DST: variants seen among roughly 807,000 people sequenced by gnomAD.
DST encodes the protein dystonin.
Under a neutral mutation model 875.2 loss-of-function variants are expected in DST, and 253 were observed. That is an observed-to-expected ratio of 0.29 (90% CI 0.26 to 0.32). The LOEUF (loss-of-function observed/expected upper bound fraction) is 0.32. Ranked by LOEUF, DST falls within the 10% of genes least tolerant of loss-of-function variation. DST has a pLI of 1.00. For missense variants in DST, 8,287 were observed against 9,111.6 expected, an observed-to-expected ratio of 0.91 and a Z score of 3.68; for synonymous variants, 3,124 against 3,197.1, an observed-to-expected ratio of 0.98 and a Z score of 0.77.
chr6:56,459,184 C>T lies in DST; in HGVS notation c.23278G>A (p.Ala7760Thr). 6.2e-7 allele frequency: 1 copy of T among 1,613,964 alleles called. No homozygotes were observed. Among genetic ancestry groups the T allele is most frequent in the Non-Finnish European group, 8.5e-7 (1 of 1,179,878 alleles). ...SRASSRRGSD[A>T]SDFDISEIQS... Reference sequence around the variant, plus strand: ...ATTTCTGAAATGTCAAAGTCTGATGCATCACTGCCTCGGCGGCTGCTGGCC... The same window carrying T: ...ATTTCTGAAATGTCAAAGTCTGATGTATCACTGCCTCGGCGGCTGCTGGCC... The change falls in exon 104 of 104, where the codon GCA (alanine) becomes ACA (threonine). Residue 7760 changes from alanine (A) to threonine (T), a missense_variant. Coordinates refer to ENST00000680361, the MANE Select transcript of DST (RefSeq NM_001374736.1).
chr6:56,603,336 T>C lies in DST; in HGVS notation c.11026A>G (p.Ser3676Gly). 1.2e-6 allele frequency: 2 copies of C among 1,611,268 alleles called. No individual in the cohort carries two copies. The highest frequency in any genetic ancestry group is 1.7e-6 in the Non-Finnish European group (2 of 1,179,092). The part of the protein sequence containing the change: ...LAEEFLKSLP[S>G]DFPRGHVEEL... ...TCAACATGGCCTCTGGGAAAGTCAC[T>C]GGGAAGAGACTTTAAAAACTCTTCT... The change falls in exon 42 of 104, where the codon AGT becomes GGT. Residue 3676 changes from serine (S) to glycine (G), a missense_variant. By Grantham distance (56) the Ser-to-Gly change is moderately conservative. Coordinates refer to ENST00000680361, the MANE Select transcript of DST (RefSeq NM_001374736.1).
In DST at chr6:56,794,630, G is replaced by T. The variant is rs117718988; in HGVS notation, c.625+56767C>A. On this transcript the variant is annotated intron_variant, in intron 4 of 103. Coordinates refer to ENST00000680361, the MANE Select transcript of DST (RefSeq NM_001374736.1). ...GGTGGGGTGGGCCTTGACACAGAAA[G>T]GACAAGTCTAAGACAGAGATTCCTC... is the stretch of plus-strand genomic sequence containing the variant. Among the ~76,000 whole-genome samples the T allele has an allele frequency of 1.1e-4, 16 of 152,256 alleles. No homozygotes were observed. In the East Asian group the frequency reaches 3.1e-3, roughly 29 times the overall value.
intron 49 of DST, among the ~76,000 whole-genome samples, chr6:56,581,963 A>T (rs2098010280): frequency 6.6e-6 from 1 of 152,206 alleles, no homozygotes; most frequent in Non-Finnish European, 1.5e-5. Flanking sequence ...TCCACATGCA[A>T]ATCAACCATT....
At position 56,707,027 on chromosome 6, in the gene DST, T is replaced by C. The variant is rs145361847; in HGVS notation, c.688-2658A>G. ...CTCAAAAAACAAACAAACAAAACAATAGGTTTCATGCTCCTATGAGAATCT... is the reference window on the plus strand; with the variant it reads ...CTCAAAAAACAAACAAACAAAACAACAGGTTTCATGCTCCTATGAGAATCT... On this transcript the variant is annotated intron_variant, in intron 5 of 103. Coordinates refer to ENST00000680361, the MANE Select transcript of DST (RefSeq NM_001374736.1). 3.3e-5 allele frequency among the ~76,000 whole-genome samples: 5 copies of C among 151,922 alleles called. No individual in the cohort carries two copies. In the East Asian group the frequency reaches 7.7e-4, roughly 24 times the overall value.
At chr6:56,878,512 A>G (rs568271841) in intron 3 of DST, among the ~76,000 whole-genome samples, 1 of 152,322 alleles carries the variant, frequency 6.6e-6, no homozygotes, top group East Asian at 1.9e-4. Context: ...ATCCTATCCA[A>G]GAGGAATTTG....
rs966987338 is a variant in DST at position 56,515,678 on chromosome 6, A to G, written c.18358-10T>C. On this transcript the variant is annotated splice_polypyrimidine_tract_variant and intron_variant, in intron 71 of 103. Transcript: ENST00000680361. The stretch of plus-strand genomic sequence containing the variant: ...CCTTGTCCAGTTTTTTCTAGAAAAT[A>G]AAAGGATGAAATGTTTAACTGGTCA... 3 of 1,571,006 alleles carry G rather than the reference A, an allele frequency of 1.9e-6. No individual in the cohort carries two copies. The highest frequency in any genetic ancestry group is 2.6e-6 in the Non-Finnish European group (3 of 1,156,546).
chr6:56,517,428 T>C, intron 70 of DST, 73 bp downstream of exon 70: 4 of 1,597,286 alleles, frequency 2.5e-6, no homozygotes, highest in African/African-American at 1.3e-5. Context: ...AAGTAAATCA[T>C]ACAAGCACAT....
chr6:56,622,569 CAAAAAA>C, intron 36 of DST, among the ~76,000 whole-genome samples: 1 of 65,744 alleles, frequency 1.5e-5, no homozygotes, highest in African/African-American at 5.8e-5. Context: ...AGATCCGTCT[CAAAAAA>C]AAAAAAAAAA....
chr6:56,544,418 G>T lies in DST; in HGVS notation c.16609-7478C>A, dbSNP rs148460205. Among the ~76,000 whole-genome samples, 113 of 152,240 alleles carry T rather than the reference G, an allele frequency of 7.4e-4. No individual in the cohort carries two copies. In the East Asian group the frequency reaches 0.015, roughly 20 times the overall value. ...AATCATTAGCACAATATTATTCTAG[G>T]CTTATGAAAAGCTAAGAGGAGCAAC... On this transcript the variant is annotated intron_variant, in intron 61 of 103. Coordinates refer to ENST00000680361, the MANE Select transcript of DST (RefSeq NM_001374736.1).
At chr6:56,924,398 AATGG>A (rs5876524) in intron 2 of DST, among the ~76,000 whole-genome samples, 20,580 of 152,010 alleles carry the variant, frequency 0.14, 1,781 homozygotes, top group Middle Eastern at 0.23. Context: ...CCAGCTCACC[AATGG>A]ATGGAGACTG....
intron 5 of DST, among the ~76,000 whole-genome samples, chr6:56,729,013 C>G (rs913740514): frequency 3.3e-5 from 5 of 149,458 alleles, no homozygotes; most frequent in African/African-American, 1.3e-4. Context: ...CACACACACA[C>G]GACTGGGGAA....
intron 4 of DST, among the ~76,000 whole-genome samples, chr6:56,747,320 A>G (rs190372401): frequency 6.6e-6 from 1 of 152,148 alleles, no homozygotes; most frequent in Admixed American, 6.5e-5. Flanking sequence ...CTGCTCTCCC[A>G]GTCATCAGAT....
chr6:56,710,115 T>C (rs2099357354), intron 5 of DST, among the ~76,000 whole-genome samples: 2 of 152,154 alleles, frequency 1.3e-5, no homozygotes, highest in Admixed American at 6.5e-5. Flanking sequence ...CCCTGTAAAC[T>C]ATTATCTTAA....
At chr6:56,869,316 C>A (rs1775825036) in intron 3 of DST, among the ~76,000 whole-genome samples, 1 of 152,112 alleles carries the variant, frequency 6.6e-6, no homozygotes, top group Non-Finnish European at 1.5e-5. Flanking sequence ...AAGAAAAATT[C>A]TTAGAGGCTA....
At chr6:56,613,289 T>C (rs2098562286) in intron 37 of DST, among the ~76,000 whole-genome samples, 1 of 152,316 alleles carries the variant, frequency 6.6e-6, no homozygotes, top group Non-Finnish European at 1.5e-5. Flanking sequence ...ATATATAGTA[T>C]GTAAGACTAT....
chr6:56,620,499 C>T (rs1563247378), intron 36 of DST: 2 of 1,614,102 alleles, frequency 1.2e-6, no homozygotes, highest in South Asian at 2.2e-5. Context: ...ATATCTTCTA[C>T]ATTTCTCTGC....
rs1375259206 is a variant in DST, at chr6:56,778,638, G to GT, written c.626-43350dup. Among the ~76,000 whole-genome samples, 9 of 149,110 alleles carry GT rather than the reference G, an allele frequency of 6.0e-5. No homozygotes were observed. The East Asian group carries it at 1.6e-3, about 26-fold the overall frequency. On this transcript the variant is annotated intron_variant, in intron 4 of 103. Transcript: ENST00000680361. ...TATGAGTGAGAACATGTGGTGTTTG[G>GT]TTTTTTGTCCTTGAGATAGTTTACT... is the stretch of plus-strand genomic sequence containing the variant.
chr6:56,861,489 A>G (rs1329298110), intron 3 of DST, among the ~76,000 whole-genome samples: 3 of 152,182 alleles, frequency 2.0e-5, no homozygotes, highest in Non-Finnish European at 2.9e-5. Flanking sequence ...TTCATTCCAA[A>G]TGTCCTTAAC....
chr6:56,552,076 A>G, intron 61 of DST, 108 bp downstream of exon 61: 1 of 1,265,312 alleles, frequency 7.9e-7, no homozygotes, highest in Non-Finnish European at 1.1e-6. Flanking sequence ...CAAATATTGT[A>G]TGACAATCAT....
Sources: allele counts gnomAD v4.1 joint callset (sites outside exome capture counted in the v4.1 genomes callset), GRCh38; gene constraint gnomAD v4.1.1; transcripts MANE v1.5; gene names NCBI Gene and HGNC (gene_info 2026-07-23, HGNC 2026-07-21).